The following LAMA5 variants were observed in gnomAD, a reference collection of about 807,000 sequenced individuals.
LAMA5 encodes laminin subunit alpha-5.
In LAMA5, 260 loss-of-function variants were observed where a neutral mutation model predicts 433.4. That is an observed-to-expected ratio of 0.60 (90% CI 0.54 to 0.66). The LOEUF (loss-of-function observed/expected upper bound fraction) is 0.66. Ranked by LOEUF, LAMA5 falls within the 30% of genes least tolerant of loss-of-function variation. The pLI is 0.00. For missense variants in LAMA5, 5,378 were observed against 5,258.5 expected (o/e 1.02, Z -0.70); for synonymous variants, 2,620 against 2,226.6 (o/e 1.18, Z -4.97).
In LAMA5 at chr20:62,326,717, G is replaced by A. The variant is rs140696503; in HGVS notation, c.5258C>T (p.Thr1753Met). ...SITFLEPAYP[T>M]PGHVHRGQLQ... ...CTGCCCACGGTGAACGTGGCCAGGC[G>A]TGGGGTATGCCGGCTCCAGGAATGT... is the stretch of plus-strand genomic sequence containing the variant. Residue 1753 changes from threonine (T) to methionine (M), a missense_variant, in exon 40 of 80, where the codon ACG (threonine) becomes ATG (methionine). Coordinates refer to ENST00000252999, the MANE Select transcript of LAMA5 (RefSeq NM_005560.6). 168 of 1,612,942 alleles carry A rather than the reference G, an allele frequency of 1.0e-4. 1 individual carries two copies. Among genetic ancestry groups the A allele is most frequent in the Admixed American group, 4.0e-4 (24 of 60,014 alleles).
Position 62,353,153 on chromosome 20 carries a change from C to A in LAMA5, c.549G>T (p.Gln183His). ...ERSMDFGRTY[Q>H]PWQFFASSKR... ...ACTCACAGGCAAAGAACTGCCAGGG[C>A]TGGTAGGTGCGGCCGAAGTCCATGG... The change falls in exon 3 of 80, where the codon CAG becomes CAT. Residue 183 changes from glutamine to histidine, a missense_variant. By Grantham distance (24) the Gln-to-His change is conservative. Coordinates refer to ENST00000252999, the MANE Select transcript of LAMA5 (RefSeq NM_005560.6). 2 of 1,576,372 alleles carry A rather than the reference C, an allele frequency of 1.3e-6. No homozygotes were observed. Among genetic ancestry groups the A allele is most frequent in the East Asian group, 2.3e-5 (1 of 42,872 alleles).
Position 62,362,506 on chromosome 20 carries a change from T to C in LAMA5, c.344A>G (p.His115Arg). ...GCCATCGATGGCATTGCTCGCGGGG[T>C]GTGCCTTGTTGCTGTTGGCAGCCGT... ...ICTAANSNKAHPASNAIDGTE... is the reference protein window; with the variant it reads ...ICTAANSNKARPASNAIDGTE... The change falls in exon 2 of 80, where the codon CAC (histidine) becomes CGC (arginine). Residue 115 changes from histidine to arginine, a missense_variant. Physicochemically the swap from His to Arg is conservative, Grantham distance 29. Transcript: ENST00000252999. The C allele has an allele frequency of 6.2e-7, 1 of 1,602,992 alleles. No homozygotes were observed.
chr20:62,318,550 G>T lies in LAMA5; in HGVS notation c.7143C>A (p.Leu2381=), dbSNP rs1251431770. ...GGTTCAAAGCCTCTCGCAGGTCCATGAGGCCGGCCTCGTGCTGGGCCAGCC... is the reference window on the plus strand; with the variant it reads ...GGTTCAAAGCCTCTCGCAGGTCCATTAGGCCGGCCTCGTGCTGGGCCAGCC... ...RDRLAQHEAG[L]MDLREALNRA... The change falls in exon 53 of 80, where the codon CTC becomes CTA. Residue 2381 remains leucine, a synonymous_variant. Transcript: ENST00000252999. 8.7e-6 allele frequency: 14 copies of T among 1,610,180 alleles called. No individual in the cohort carries two copies. Among genetic ancestry groups the T allele is most frequent in the Non-Finnish European group, 1.2e-5 (14 of 1,179,076 alleles).
rs757447034 is a variant in LAMA5, at chr20:62,311,424, C to T, written c.9919G>A (p.Gly3307Arg). The T allele has an allele frequency of 1.9e-6, 3 of 1,587,364 alleles. No individual in the cohort carries two copies. The highest frequency in any genetic ancestry group is 1.3e-5 in the African/African-American group (1 of 74,340). ...QAQTPGLGPR[G>R]LQATARKASR... The stretch of plus-strand genomic sequence containing the variant: ...ACCTTCCGGGCGGTGGCCTGCAGTC[C>T]TCTAGGCCCCAGGCCCGGGGTCTGG... Residue 3307 changes from glycine (G) to arginine (R), a missense_variant, in exon 72 of 80, where the codon GGA becomes AGA. Coordinates refer to ENST00000252999, the MANE Select transcript of LAMA5 (RefSeq NM_005560.6).
intron 1 of LAMA5, among the ~76,000 whole-genome samples, chr20:62,366,230 C>G (rs1055444217): frequency 2.0e-5 from 3 of 152,200 alleles, no homozygotes; most frequent in African/African-American, 7.2e-5. Flanking sequence ...CCTTGGTTTT[C>G]AGGTGAGGTG....
Position 62,314,370 on chromosome 20 carries a change from G to A in LAMA5, c.8438C>T (p.Ala2813Val), listed in dbSNP as rs375331478. Residue 2813 changes from alanine to valine, a missense_variant, in exon 62 of 80, where the codon GCG becomes GTG. Transcript: ENST00000252999. ...ATCGATGCTTAGGACTGCAGGGCCC[G>A]CCTCACCCAGCTGATACACCCAGTG... Reference protein sequence around the residue: ...KVHWVYQLGEAGPAVLSIDED... With the variant: ...KVHWVYQLGEVGPAVLSIDED... 3.5e-5 allele frequency: 56 copies of A among 1,613,320 alleles called. No homozygotes were observed. The highest frequency in any genetic ancestry group is 4.0e-5 in the Non-Finnish European group (47 of 1,179,958).
chr20:62,333,874 G>T, intron 23 of LAMA5, 27 bp downstream of exon 23: 1 of 1,540,772 alleles, frequency 6.5e-7, no homozygotes, highest in East Asian at 2.4e-5. Flanking sequence ...GGTGGGGCAG[G>T]GGCTGTGGCC....
chr20:62,313,746 G>A lies in LAMA5; in HGVS notation c.8561C>T (p.Thr2854Ile). The part of the protein sequence containing the change: ...VTVERQMIQE[T>I]KGDTVAPGAE... ...CCCAGGGGCCACCGTGTCACCCTTG[G>A]TTTCCTGGATCATCTGTCTCTCCAC... Residue 2854 changes from threonine to isoleucine, a missense_variant, in exon 63 of 80, where the codon ACC (threonine) becomes ATC (isoleucine). Transcript: ENST00000252999. 2 of 1,612,952 alleles carry A rather than the reference G, an allele frequency of 1.2e-6. No individual in the cohort carries two copies. Among genetic ancestry groups the A allele is most frequent in the East Asian group, 2.2e-5 (1 of 44,870 alleles).
At position 62,330,925 on chromosome 20, in the gene LAMA5, G is replaced by C; in HGVS notation, c.3670C>G (p.Arg1224Gly). 1 of 1,550,620 alleles carries C rather than the reference G, an allele frequency of 6.4e-7. No homozygotes were observed. Among genetic ancestry groups the C allele is most frequent in the Non-Finnish European group, 8.7e-7 (1 of 1,147,324 alleles). ...GPNSAACLPS[R>G]FPKPPQPIIL... ...ATGGGCTGGGGCGGCTTTGGGAAGC[G>C]CGAGGGCAGACAGGCGGCACTGGTG... is the stretch of plus-strand genomic sequence containing the variant. The change falls in exon 30 of 80, where the codon CGC becomes GGC. Residue 1224 changes from arginine to glycine, a missense_variant. By Grantham distance (125) the Arg-to-Gly change is moderately radical. Coordinates refer to ENST00000252999, the MANE Select transcript of LAMA5 (RefSeq NM_005560.6).
chr20:62,313,268 T>C lies in LAMA5; in HGVS notation c.8793-18A>G. 3.1e-6 allele frequency: 1 copy of C among 327,028 alleles called. No homozygotes were observed. The highest frequency in any genetic ancestry group is 4.1e-6 in the Non-Finnish European group (1 of 241,914). 20.3% of individuals were successfully genotyped at this position (327,028 alleles called of 1,614,324 possible). A position where few individuals can be genotyped will look rare whatever the true frequency, so the allele number is the denominator to read the frequency against. On this transcript the variant is annotated intron_variant, in intron 64 of 79. Transcript: ENST00000252999. Reference sequence around the variant, plus strand: ...ACTTGGAGCTGCAGGTCGGAGATTCTGGGGTCAGCGGAGGGTGGGGTGGGG... The same window carrying C: ...ACTTGGAGCTGCAGGTCGGAGATTCCGGGGTCAGCGGAGGGTGGGGTGGGG...
chr20:62,323,809 C>T lies in LAMA5; in HGVS notation c.5816G>A (p.Cys1939Tyr). 6.2e-7 allele frequency: 1 copy of T among 1,610,806 alleles called. No homozygotes were observed. Among genetic ancestry groups the T allele is most frequent in the Non-Finnish European group, 8.5e-7 (1 of 1,179,028 alleles). Residue 1939 changes from cysteine (C) to tyrosine (Y), a missense_variant, in exon 44 of 80, where the codon TGC becomes TAC. Transcript: ENST00000252999. Reference sequence around the variant, plus strand: ...GGAGGCACCTGCATAACCAGGTTTGCAGAGGCACTGGGTGCGGCCGCCTCG... The same window carrying T: ...GGAGGCACCTGCATAACCAGGTTTGTAGAGGCACTGGGTGCGGCCGCCTCG... ...VLRGGRTQCLCKPGYAGASCE... is the reference protein window; with the variant it reads ...VLRGGRTQCLYKPGYAGASCE...
intron 6 of LAMA5, 99 bp from the exon 7 acceptor site, chr20:62,347,127 T>C: frequency 1.1e-6 from 1 of 893,520 alleles, no homozygotes; most frequent in Non-Finnish European, 1.7e-6. Context: ...CTCGATGGCT[T>C]GGCTTGCCAC....
chr20:62,332,184 C>G (rs981397913), intron 28 of LAMA5, among the ~76,000 whole-genome samples, 188 bp downstream of exon 28: 1 of 152,142 alleles, frequency 6.6e-6, no homozygotes, highest in Non-Finnish European at 1.5e-5. Flanking sequence ...CTCGGGGGTA[C>G]GTCAAAAGGG....
rs761820662 is a variant in LAMA5 at position 62,314,337 on chromosome 20, A to G, written c.8471T>C (p.Ile2824Thr). ...GCTGACAGCTGCGAACTGCTCCCCA[A>G]TGTCCTCATCGATGCTTAGGACTGC... ...GPAVLSIDED[I>T]GEQFAAVSLD... The change falls in exon 62 of 80, where the codon ATT (isoleucine) becomes ACT (threonine). Residue 2824 changes from isoleucine to threonine, a missense_variant. By Grantham distance (89) the Ile-to-Thr change is moderately conservative. Coordinates refer to ENST00000252999, the MANE Select transcript of LAMA5 (RefSeq NM_005560.6). 4.0e-5 allele frequency: 64 copies of G among 1,613,168 alleles called. No homozygotes were observed. The highest frequency in any genetic ancestry group is 8.3e-5 in the Admixed American group (5 of 59,976).
At position 62,326,935 on chromosome 20, in the gene LAMA5, T is replaced by A. The variant is rs113152001; in HGVS notation, c.5144A>T (p.Glu1715Val). ...VSSYGGTLRY[E>V]LHSETQRGDV... ...TCCCCGCTGGGTCTCTGAGTGCAGT[T>A]CATAACGGAGGGTCCCACCGTAGGA... is the stretch of plus-strand genomic sequence containing the variant. Residue 1715 changes from glutamate to valine, a missense_variant, in exon 39 of 80, where the codon GAA becomes GTA. Glu to Val is a moderately radical substitution (Grantham distance 121). Coordinates refer to ENST00000252999, the MANE Select transcript of LAMA5 (RefSeq NM_005560.6). 6 of 1,611,228 alleles carry A rather than the reference T, an allele frequency of 3.7e-6. No individual in the cohort carries two copies. The East Asian group carries it at 1.3e-4, about 36-fold the overall frequency.
rs376398723 is a variant in LAMA5, at chr20:62,333,246, G to T, written c.3129-3C>A. The T allele has an allele frequency of 3.2e-6, 5 of 1,549,982 alleles. No individual in the cohort carries two copies. Among genetic ancestry groups the T allele is most frequent in the African/African-American group, 2.7e-5 (2 of 73,470 alleles). The stretch of plus-strand genomic sequence containing the variant: ...GGAGGTGTGTGTAGAGGAGGCAGCT[G>T]GGGGGACACAGGCCGTGGTCAGCCC... On this transcript the variant is annotated splice_region_variant and splice_polypyrimidine_tract_variant and intron_variant, in intron 25 of 79. Coordinates refer to ENST00000252999, the MANE Select transcript of LAMA5 (RefSeq NM_005560.6).
At chr20:62,345,223 G>C (rs1362907355) in intron 11 of LAMA5, among the ~76,000 whole-genome samples, 1 of 151,168 alleles carries the variant, frequency 6.6e-6, no homozygotes, top group African/African-American at 2.4e-5. Context: ...GGCTGGCCTT[G>C]AACTCCTGAC....
rs748494907 is a variant in LAMA5, at chr20:62,310,087, G to A, written c.10735-6C>T. 26 of 1,610,992 alleles carry A rather than the reference G, an allele frequency of 1.6e-5. No homozygotes were observed. Among genetic ancestry groups the A allele is most frequent in the South Asian group, 1.4e-4 (13 of 91,042 alleles). ...TCATCCGCCCGCAGCAGGACCTGGC[G>A]GGGTAGGAAGGGAGGGTCAGGCTAT... On this transcript the variant is annotated splice_polypyrimidine_tract_variant and splice_region_variant and intron_variant, in intron 77 of 79. Transcript: ENST00000252999.
At position 62,325,628 on chromosome 20, in the gene LAMA5, T is replaced by A; in HGVS notation, c.5299-82A>T. On this transcript the variant is annotated intron_variant, in intron 40 of 79. Coordinates refer to ENST00000252999, the MANE Select transcript of LAMA5 (RefSeq NM_005560.6). ...GCCTAGAACAGACCCCCCAACCCTG[T>A]AGGGGATGGAGGGGCACAAAGACCA... is the stretch of plus-strand genomic sequence containing the variant. 4 of 907,110 alleles carry A rather than the reference T, an allele frequency of 4.4e-6. 1 individual carries two copies. The South Asian group carries it at 6.9e-5, about 16-fold the overall frequency. 56.2% of individuals were successfully genotyped at this position (907,110 alleles called of 1,614,324 possible).
Sources: allele counts gnomAD v4.1 joint callset (sites outside exome capture counted in the v4.1 genomes callset), GRCh38; gene constraint gnomAD v4.1.1; transcripts MANE v1.5; gene names NCBI Gene and HGNC (gene_info 2026-07-23, HGNC 2026-07-21).